Variants in KCNQ3 observed in about 807,000 individuals in gnomAD.
The protein encoded by KCNQ3 is potassium voltage-gated channel subfamily Q member 3.
In KCNQ3, 30 loss-of-function variants were observed where a neutral mutation model predicts 92.5. The ratio of observed to expected loss-of-function variants is 0.32; its 90% confidence interval spans 0.24 to 0.44. The LOEUF (loss-of-function observed/expected upper bound fraction) is 0.44, where lower values mean the gene tolerates loss of function less well. Among genes scored for constraint, KCNQ3 ranks in the 20% least tolerant of loss-of-function variants. The pLI, the probability that KCNQ3 is intolerant of heterozygous loss-of-function variation, is 1.00. For missense variants in KCNQ3, 913 were observed against 1,140.3 expected (o/e 0.80, Z 2.87); for synonymous variants, 450 against 468.8 (o/e 0.96, Z 0.52).
chr8:132,141,649 C>T (rs1318974813), intron 9 of KCNQ3, among the ~76,000 whole-genome samples: 1 of 152,188 alleles, frequency 6.6e-6, no homozygotes, highest in Non-Finnish European at 1.5e-5. Flanking sequence ...TCATCTTTCC[C>T]CATGCCCATT....
Position 132,480,354 on chromosome 8 carries a change from C to G in KCNQ3, c.179G>C (p.Gly60Ala). The G allele has an allele frequency of 6.3e-7, 1 of 1,592,398 alleles. No homozygotes were observed. The highest frequency in any genetic ancestry group is 8.5e-7 in the Non-Finnish European group (1 of 1,174,122). The change falls in exon 1 of 15, where the codon GGA (glycine) becomes GCA (alanine). Residue 60 changes from glycine (G) to alanine (A), a missense_variant. Coordinates refer to ENST00000388996, the MANE Select transcript of KCNQ3 (RefSeq NM_004519.4). ...CAGCAGGGTCCCGTCTTTGTCGGCT[C>G]CGGCCCCGAGCGCCAAGGTGACTTG... ...VEQVTLALGA[G>A]ADKDGTLLLE...
intron 1 of KCNQ3, among the ~76,000 whole-genome samples, chr8:132,219,244 G>A (rs1013102334): frequency 6.6e-6 from 1 of 152,152 alleles, no homozygotes; most frequent in South Asian, 2.1e-4. Flanking sequence ...CTCAGGTGGG[G>A]CCTGGCAAGC....
At chr8:132,254,247 CT>C (rs2130449619) in intron 1 of KCNQ3, among the ~76,000 whole-genome samples, 1 of 152,236 alleles carries the variant, frequency 6.6e-6, no homozygotes, top group African/African-American at 2.4e-5. Flanking sequence ...CATGTTCTCC[CT>C]ATAAACTGGT....
intron 1 of KCNQ3, among the ~76,000 whole-genome samples, chr8:132,387,780 C>A (rs1196874625): frequency 6.6e-6 from 1 of 152,110 alleles, no homozygotes; most frequent in Non-Finnish European, 1.5e-5. Context: ...GCAGGAGGAT[C>A]TCTTGAGTCC....
intron 1 of KCNQ3, among the ~76,000 whole-genome samples, chr8:132,338,271 T>TGAAATTAAAC (rs2130678177): frequency 6.6e-6 from 1 of 152,308 alleles, no homozygotes; most frequent in East Asian, 1.9e-4. Flanking sequence ...AAGGCAGAAC[T>TGAAATTAAAC]GAAATTAAAC....
At chr8:132,157,381 C>T (rs1825831397) in intron 9 of KCNQ3, among the ~76,000 whole-genome samples, 1 of 152,200 alleles carries the variant, frequency 6.6e-6, no homozygotes, top group Admixed American at 6.5e-5. Flanking sequence ...GATAGCTCTA[C>T]TAGCTTCTCT....
At position 132,121,858 on chromosome 8, in the gene KCNQ3, G is replaced by A. The variant is rs767519821; in HGVS notation, c.*7404C>T. ...ATGATCTGCAGCCACACCAAGCCCC[G>A]AGAGCTAATGGATTCCAATGTGAAC... On this transcript the variant is annotated 3_prime_UTR_variant, in exon 15 of 15. Coordinates refer to ENST00000388996, the MANE Select transcript of KCNQ3 (RefSeq NM_004519.4). The A allele has an allele frequency of 6.6e-6, 1 of 152,172 alleles. No homozygotes were observed. Among genetic ancestry groups the A allele is most frequent in the African/African-American group, 2.4e-5 (1 of 41,458 alleles). 9.4% of individuals were successfully genotyped at this position (152,172 alleles called of 1,614,324 possible). A position where few individuals can be genotyped will look rare whatever the true frequency, so the allele number is the denominator to read the frequency against.
At chr8:132,472,852 CAATGAAATAGTACATGTACCTCATA>C (rs1283930972) in intron 1 of KCNQ3, among the ~76,000 whole-genome samples, 5 of 152,102 alleles carry the variant, frequency 3.3e-5, no homozygotes, top group Non-Finnish European at 5.9e-5. Flanking sequence ...TCTACGCATG[CAATGAAATAGTACATGTACCTCATA>C]AATATGTACA....
intron 14 of KCNQ3, among the ~76,000 whole-genome samples, chr8:132,131,329 AGAT>A (rs1196568474): frequency 2.0e-5 from 3 of 152,214 alleles, no homozygotes; most frequent in Non-Finnish European, 4.4e-5. Flanking sequence ...AGAGTTAGGC[AGAT>A]GATGCTAGAT....
chr8:132,407,071 C>T (rs1033624751), intron 1 of KCNQ3, among the ~76,000 whole-genome samples: 1 of 152,220 alleles, frequency 6.6e-6, no homozygotes, highest in African/African-American at 2.4e-5. Context: ...GCCTCTGCGC[C>T]CATGCCTTTA....
chr8:132,437,538 T>G (rs894334668), intron 1 of KCNQ3, among the ~76,000 whole-genome samples: 3 of 152,256 alleles, frequency 2.0e-5, no homozygotes, highest in African/African-American at 7.2e-5. Flanking sequence ...ACATAGAAAT[T>G]TAATACTCTG....
At chr8:132,334,290 T>G (rs527407402) in intron 1 of KCNQ3, among the ~76,000 whole-genome samples, 1 of 151,910 alleles carries the variant, frequency 6.6e-6, no homozygotes, top group African/African-American at 2.4e-5. Context: ...CTGACCAACA[T>G]GGTGAAACCT....
intron 1 of KCNQ3, among the ~76,000 whole-genome samples, chr8:132,313,921 C>T (rs1817669960): frequency 6.6e-6 from 1 of 152,138 alleles, no homozygotes. Flanking sequence ...TCCACAGTAA[C>T]CTTATGAGAT....
intron 1 of KCNQ3, among the ~76,000 whole-genome samples, chr8:132,357,644 C>T (rs78986309): frequency 2.0e-5 from 3 of 152,320 alleles, no homozygotes; most frequent in Non-Finnish European, 4.4e-5. Flanking sequence ...CTAAACTCAT[C>T]ACTCCATGTC....
chr8:132,368,234 C>T (rs914628712), intron 1 of KCNQ3, among the ~76,000 whole-genome samples: 15 of 152,146 alleles, frequency 9.9e-5, no homozygotes, highest in East Asian at 3.9e-4. Context: ...CTATTGAGGG[C>T]GTTAAGTGAG....
intron 13 of KCNQ3, among the ~76,000 whole-genome samples, chr8:132,133,471 T>C (rs1824955584): frequency 2.0e-5 from 3 of 148,850 alleles, no homozygotes; most frequent in Admixed American, 1.4e-4. Flanking sequence ...TTCTCCTGCC[T>C]CAGCCTCCCA....
intron 9 of KCNQ3, among the ~76,000 whole-genome samples, chr8:132,161,828 T>A (rs921397307): frequency 6.6e-6 from 1 of 152,180 alleles, no homozygotes; most frequent in Non-Finnish European, 1.5e-5. Flanking sequence ...GCCTCCTGCG[T>A]AAAGGAATTG....
intron 1 of KCNQ3, among the ~76,000 whole-genome samples, chr8:132,415,800 A>G (rs956691555): frequency 1.3e-5 from 2 of 152,194 alleles, no homozygotes; most frequent in African/African-American, 4.8e-5. Flanking sequence ...GCCCTTCAAC[A>G]GGCCACAGTA....
chr8:132,319,678 G>A (rs1223949918), intron 1 of KCNQ3, among the ~76,000 whole-genome samples: 1 of 152,186 alleles, frequency 6.6e-6, no homozygotes, highest in East Asian at 1.9e-4. Flanking sequence ...ATGGATGATG[G>A]CCACAAGTCC....
Sources: gnomAD v4.1 joint callset for allele counts (sites outside exome capture counted in the v4.1 genomes callset) on GRCh38, gnomAD v4.1.1 for gene constraint, MANE v1.5 for transcripts, NCBI Gene and HGNC (gene_info 2026-07-23, HGNC 2026-07-21) for gene names.